TMEM131: variants seen among roughly 807,000 people sequenced by gnomAD.
TMEM131 encodes the protein 2610524E03Rik.
Under a neutral mutation model 211.6 loss-of-function variants are expected in TMEM131, and 66 were observed. The ratio of observed to expected loss-of-function variants is 0.31; its 90% CI spans 0.26 to 0.38. The LOEUF (loss-of-function observed/expected upper bound fraction) is 0.38, where lower values mean the gene tolerates loss of function less well. Ranked by LOEUF, TMEM131 falls within the 10% of genes least tolerant of loss-of-function variation. The pLI, the probability that TMEM131 is intolerant of heterozygous loss-of-function variation, is 1.00. For synonymous variants in TMEM131, 844 were observed against 841.3 expected, an observed-to-expected ratio of 1.00 and a Z score of -0.06; for missense variants, 2,036 against 2,299.3, an observed-to-expected ratio of 0.89 and a Z score of 2.34.
intron 1 of TMEM131, among the ~76,000 whole-genome samples, chr2:97,968,793 A>C (rs1166174685): frequency 2.0e-5 from 3 of 152,138 alleles, no homozygotes; most frequent in Non-Finnish European, 4.4e-5. Context: ...CATCAGAATA[A>C]GGATATCGGG....
At chr2:97,941,178 C>G (rs1677708893) in intron 1 of TMEM131, among the ~76,000 whole-genome samples, 1 of 152,180 alleles carries the variant, frequency 6.6e-6, no homozygotes, top group Admixed American at 6.5e-5. Flanking sequence ...AACACATCTA[C>G]AACCATCTGA....
At chr2:97,979,423 T>C (rs1236780491) in intron 1 of TMEM131, among the ~76,000 whole-genome samples, 2 of 152,228 alleles carry the variant, frequency 1.3e-5, no homozygotes, top group African/African-American at 2.4e-5. Context: ...TTCATCTACA[T>C]GGAAAATCTG....
At chr2:97,990,623 G>C (rs1680222088) in intron 1 of TMEM131, among the ~76,000 whole-genome samples, 1 of 152,178 alleles carries the variant, frequency 6.6e-6, no homozygotes, top group Non-Finnish European at 1.5e-5. Context: ...TGATGGTTTA[G>C]ATAAGTGTAT....
intron 11 of TMEM131, among the ~76,000 whole-genome samples, chr2:97,828,215 C>T (rs1191035583): frequency 6.6e-6 from 1 of 152,024 alleles, no homozygotes; most frequent in Non-Finnish European, 1.5e-5. Flanking sequence ...AAATTTTAAG[C>T]TGGAAAGTCA....
At chr2:97,990,496 T>C (rs1482770197) in intron 1 of TMEM131, among the ~76,000 whole-genome samples, 3 of 152,218 alleles carry the variant, frequency 2.0e-5, no homozygotes, top group Non-Finnish European at 4.4e-5. Context: ...GGCTCCACTA[T>C]TTACCAGCCC....
chr2:97,981,565 G>A (rs922058655), intron 1 of TMEM131, among the ~76,000 whole-genome samples: 1 of 152,066 alleles, frequency 6.6e-6, no homozygotes, highest in Non-Finnish European at 1.5e-5. Context: ...TTCCCCCTTA[G>A]ATGAAAAGCC....
At chr2:97,915,645 C>A (rs998062715) in intron 2 of TMEM131, among the ~76,000 whole-genome samples, 2 of 152,088 alleles carry the variant, frequency 1.3e-5, no homozygotes, top group Admixed American at 1.3e-4. Context: ...TGCGTCTGGC[C>A]CAGAGCAAGT....
intron 25 of TMEM131, among the ~76,000 whole-genome samples, chr2:97,799,850 T>C (rs1381193318): frequency 6.6e-6 from 1 of 152,226 alleles, no homozygotes; most frequent in African/African-American, 2.4e-5. Flanking sequence ...CATTACATAC[T>C]TCGATCAAAA....
At chr2:97,939,972 T>A (rs963371937) in intron 1 of TMEM131, among the ~76,000 whole-genome samples, 7 of 152,052 alleles carry the variant, frequency 4.6e-5, no homozygotes, top group Admixed American at 2.0e-4. Flanking sequence ...AAATTCAACA[T>A]CCCTTCATGC....
intron 34 of TMEM131, 101 bp from the exon 35 acceptor site, chr2:97,766,364 G>T: frequency 6.3e-7 from 1 of 1,596,316 alleles, no homozygotes; most frequent in Non-Finnish European, 8.6e-7. Flanking sequence ...CACAGCCTTA[G>T]CCTTGCATGA....
chr2:97,879,957 A>G (rs1489387176), intron 4 of TMEM131, among the ~76,000 whole-genome samples: 3 of 152,202 alleles, frequency 2.0e-5, no homozygotes, highest in Admixed American at 6.5e-5. Flanking sequence ...TTGTTAAAGG[A>G]TCAACTGTAT....
At chr2:97,846,567 A>G (rs778595296) in intron 5 of TMEM131, among the ~76,000 whole-genome samples, 21 of 152,204 alleles carry the variant, frequency 1.4e-4, no homozygotes, top group Admixed American at 2.6e-4. Flanking sequence ...CAAAAACCCT[A>G]AAGAAGCTTG....
At chr2:97,925,836 C>T (rs943252228) in intron 2 of TMEM131, among the ~76,000 whole-genome samples, 3 of 151,974 alleles carry the variant, frequency 2.0e-5, no homozygotes, top group South Asian at 4.1e-4. Flanking sequence ...GTTGGCCGGG[C>T]GCGGTGGCTC....
chr2:97,813,971 A>G lies in TMEM131; in HGVS notation c.1617T>C (p.Asp539=). Residue 539 remains aspartate (D), a splice_region_variant and synonymous_variant, in exon 15 of 41, where the codon GAT becomes GAC. Transcript: ENST00000186436. ...TGTTAAAGATGGATAATATACTTACATCTAAAAAGCCTGTGTATACCCGCA... is the reference window on the plus strand; with the variant it reads ...TGTTAAAGATGGATAATATACTTACGTCTAAAAAGCCTGTGTATACCCGCA... The part of the protein sequence containing the change: ...LPVRVYTGFL[D]YFVLPPKIEE... 6.3e-7 allele frequency: 1 copy of G among 1,580,526 alleles called. No homozygotes were observed. Among genetic ancestry groups the G allele is most frequent in the Non-Finnish European group, 8.6e-7 (1 of 1,163,092 alleles).
intron 11 of TMEM131, among the ~76,000 whole-genome samples, chr2:97,819,254 A>T (rs776877290): frequency 6.6e-6 from 1 of 152,208 alleles, no homozygotes; most frequent in Non-Finnish European, 1.5e-5. Flanking sequence ...ATCCAGAGAG[A>T]GGGCTATACT....
intron 3 of TMEM131, among the ~76,000 whole-genome samples, chr2:97,903,842 T>C (rs948087557): frequency 1.2e-4 from 18 of 152,020 alleles, no homozygotes; most frequent in Admixed American, 6.6e-5. Context: ...TTTTGTATTT[T>C]AGTAGAGATG....
intron 3 of TMEM131, among the ~76,000 whole-genome samples, chr2:97,898,342 T>C (rs1675705631): frequency 6.6e-6 from 1 of 152,158 alleles, no homozygotes; most frequent in African/African-American, 2.4e-5. Context: ...TTCTATGAAT[T>C]GAATTCTCCC....
intron 4 of TMEM131, among the ~76,000 whole-genome samples, chr2:97,877,696 A>G (rs1212236205): frequency 6.6e-6 from 1 of 152,232 alleles, no homozygotes; most frequent in Non-Finnish European, 1.5e-5. Flanking sequence ...ACCTTATACA[A>G]AAATAAACTC....
chr2:97,908,296 G>A (rs1317884722), intron 3 of TMEM131, among the ~76,000 whole-genome samples: 1 of 152,104 alleles, frequency 6.6e-6, no homozygotes, highest in African/African-American at 2.4e-5. Flanking sequence ...TTCTCTGGGG[G>A]CCTGCGGGCA....
Sources: allele counts gnomAD v4.1 joint callset (sites outside exome capture counted in the v4.1 genomes callset), GRCh38; gene constraint gnomAD v4.1.1; transcripts MANE v1.5; gene names NCBI Gene and HGNC (gene_info 2026-07-23, HGNC 2026-07-21).